TNFSF4: variants seen among roughly 807,000 people sequenced by gnomAD.
TNFSF4 encodes the protein TNF superfamily member 4, also known as tumor necrosis factor ligand superfamily member 4.
Under a neutral mutation model 7.3 loss-of-function variants are expected in TNFSF4, and 4 were observed. The observed-to-expected ratio is 0.55, with a 90% CI of 0.27 to 1.25. TNFSF4 has a LOEUF of 1.25. TNFSF4 is among the 50% of genes most tolerant of loss of function. The pLI is 0.12. For missense variants in TNFSF4, 181 were observed against 208.8 expected, an observed-to-expected ratio of 0.87 and a Z score of 0.82; for synonymous variants, 76 against 83.7, an observed-to-expected ratio of 0.91 and a Z score of 0.50.
At chr1:173,418,210 G>T in the TNFSF4 span, 1 of 152,196 alleles carries the variant, frequency 6.6e-6, no homozygotes, top group Non-Finnish European at 1.5e-5. Flanking sequence ...CTGGTAGGCA[G>T]CAGAGCTATT....
chr1:173,415,332 G>A, the TNFSF4 span, among the ~76,000 whole-genome samples: 1 of 152,334 alleles, frequency 6.6e-6, no homozygotes, highest in Middle Eastern at 3.4e-3. Context: ...GAGGATGGGT[G>A]ACACCTGAAA....
At chr1:173,447,403 G>GT in the TNFSF4 span, among the ~76,000 whole-genome samples, 1 of 152,106 alleles carries the variant, frequency 6.6e-6, no homozygotes. Context: ...TGATAGTGAG[G>GT]TTTCAGTATA....
the TNFSF4 span, among the ~76,000 whole-genome samples, chr1:173,308,291 G>C: frequency 0.014 from 1,831 of 126,482 alleles, 27 homozygotes; most frequent in African/African-American, 0.054. Flanking sequence ...CTCTCTGTGT[G>C]TGTGTGTGTG....
chr1:173,371,608 T>G, the TNFSF4 span, among the ~76,000 whole-genome samples: 1 of 152,110 alleles, frequency 6.6e-6, no homozygotes, highest in Non-Finnish European at 1.5e-5. Context: ...CAAGCCTTAG[T>G]AATAAAATGC....
the TNFSF4 span, among the ~76,000 whole-genome samples, chr1:173,296,845 T>C: frequency 6.6e-6 from 1 of 151,924 alleles, no homozygotes; most frequent in African/African-American, 2.4e-5. Flanking sequence ...GATGGACAGA[T>C]GTAATGGAGA....
At chr1:173,365,153 GA>G in the TNFSF4 span, among the ~76,000 whole-genome samples, 1 of 149,088 alleles carries the variant, frequency 6.7e-6, no homozygotes, top group Non-Finnish European at 1.5e-5. Flanking sequence ...TTGGAAAAAA[GA>G]AAAAAACACA....
chr1:173,432,980 T>C, the TNFSF4 span, among the ~76,000 whole-genome samples: 3 of 152,232 alleles, frequency 2.0e-5, no homozygotes, highest in East Asian at 3.8e-4. Context: ...AAAATATGTA[T>C]GTATGTACAT....
At chr1:173,231,908 T>TC in the TNFSF4 span, among the ~76,000 whole-genome samples, 4 of 152,172 alleles carry the variant, frequency 2.6e-5, no homozygotes, top group African/African-American at 9.7e-5. Flanking sequence ...GTGTGATGCC[T>TC]CCAGCTTTGT....
chr1:173,209,116 T>C (rs1033261561), upstream of TNFSF4, among the ~76,000 whole-genome samples: 2 of 152,204 alleles, frequency 1.3e-5, no homozygotes, highest in African/African-American at 2.4e-5. Context: ...CTCTCATTTT[T>C]ATTGTCTTGT....
At chr1:173,238,692 C>T in the TNFSF4 span, among the ~76,000 whole-genome samples, 2 of 152,060 alleles carry the variant, frequency 1.3e-5, no homozygotes, top group African/African-American at 4.8e-5. Flanking sequence ...AAAATCAAAA[C>T]CACAGTGAGA....
At chr1:173,214,551 C>T in the TNFSF4 span, among the ~76,000 whole-genome samples, 1 of 152,122 alleles carries the variant, frequency 6.6e-6, no homozygotes, top group Non-Finnish European at 1.5e-5. Context: ...GGCTACCATA[C>T]AATACAATAA....
At chr1:173,194,995 T>A (rs1439458755) in intron 1 of TNFSF4, among the ~76,000 whole-genome samples, 1 of 152,114 alleles carries the variant, frequency 6.6e-6, no homozygotes, top group Admixed American at 6.5e-5. Flanking sequence ...AACATTGTGA[T>A]GTAGAAAGAA....
chr1:173,311,723 G>A, the TNFSF4 span, among the ~76,000 whole-genome samples: 3 of 152,034 alleles, frequency 2.0e-5, no homozygotes, highest in South Asian at 2.1e-4. Context: ...GAACCAGGAA[G>A]AGCCCCTTCC....
the TNFSF4 span, among the ~76,000 whole-genome samples, chr1:173,389,004 A>G: frequency 1.2e-4 from 18 of 152,362 alleles, no homozygotes; most frequent in African/African-American, 4.1e-4. Context: ...AGAGGCAACC[A>G]CTGTTACCAG....
At chr1:173,275,989 A>C in the TNFSF4 span, among the ~76,000 whole-genome samples, 1 of 152,166 alleles carries the variant, frequency 6.6e-6, no homozygotes, top group African/African-American at 2.4e-5. Flanking sequence ...AAGCATCTTA[A>C]CTGGTTGCCG....
At chr1:173,285,383 A>T in the TNFSF4 span, among the ~76,000 whole-genome samples, 2 of 152,178 alleles carry the variant, frequency 1.3e-5, no homozygotes, top group Non-Finnish European at 2.9e-5. Flanking sequence ...GATGCTGTGA[A>T]CATTGTTGAA....
chr1:173,259,625 A>G, the TNFSF4 span, among the ~76,000 whole-genome samples: 1 of 152,338 alleles, frequency 6.6e-6, no homozygotes, highest in South Asian at 2.1e-4. Flanking sequence ...TGATAACCAG[A>G]ATAACCAATT....
chr1:173,430,665 C>CTA, the TNFSF4 span, among the ~76,000 whole-genome samples: 1 of 152,184 alleles, frequency 6.6e-6, no homozygotes, highest in Non-Finnish European at 1.5e-5. Context: ...GGTGAAGGGT[C>CTA]TATAGAGTTG....
intron 1 of TNFSF4, among the ~76,000 whole-genome samples, chr1:173,199,764 C>A (rs1649861046): frequency 6.6e-6 from 1 of 152,128 alleles, no homozygotes; most frequent in African/African-American, 2.4e-5. Context: ...GCAAATTACA[C>A]TATCACTTAA....
Sources: allele counts gnomAD v4.1 joint callset (sites outside exome capture counted in the v4.1 genomes callset), GRCh38; gene constraint gnomAD v4.1.1; transcripts MANE v1.5; gene names NCBI Gene and HGNC (gene_info 2026-07-23, HGNC 2026-07-21).